ARHGAP42: variants seen among roughly 807,000 people sequenced by gnomAD.
The protein encoded by ARHGAP42 is rho GTPase-activating protein 42.
A neutral mutation model predicts 125.0 loss-of-function variants in ARHGAP42; 63 were observed. That is an observed-to-expected ratio of 0.50 (90% CI 0.41 to 0.62). The LOEUF (loss-of-function observed/expected upper bound fraction) is 0.62. Ranked by LOEUF, ARHGAP42 falls within the 20% of genes least tolerant of loss-of-function variation. The pLI is 0.00. For synonymous variants in ARHGAP42, 339 were observed against 351.0 expected (o/e 0.97, Z 0.38); for missense variants, 766 against 1,024.2 (o/e 0.75, Z 3.44).
chr11:100,936,377 C>T (rs772742316), intron 8 of ARHGAP42, 45 bp downstream of exon 8: 17 of 1,548,998 alleles, frequency 1.1e-5, no homozygotes, highest in Non-Finnish European at 1.4e-5. Flanking sequence ...GACTTAGCCA[C>T]GATCATGAGA....
chr11:100,725,218 C>G (rs1489450563), intron 1 of ARHGAP42, among the ~76,000 whole-genome samples: 2 of 151,372 alleles, frequency 1.3e-5, no homozygotes, highest in African/African-American at 2.4e-5. Context: ...GTAGCCAGGC[C>G]GGAATGCAGC....
chr11:100,834,869 T>C (rs372685808), intron 3 of ARHGAP42, among the ~76,000 whole-genome samples: 1 of 151,374 alleles, frequency 6.6e-6, no homozygotes, highest in Non-Finnish European at 1.5e-5. Flanking sequence ...TTTGTTTTTT[T>C]AATGTTGGAT....
At chr11:100,943,983 T>A in intron 10 of ARHGAP42, 115 bp downstream of exon 10, 1 of 651,056 alleles carries the variant, frequency 1.5e-6, no homozygotes, top group Non-Finnish European at 2.5e-6. Context: ...TAAAAAACAG[T>A]ATACATGTTT....
intron 3 of ARHGAP42, among the ~76,000 whole-genome samples, chr11:100,844,591 C>G (rs978563908): frequency 6.7e-6 from 1 of 150,232 alleles, no homozygotes; most frequent in Admixed American, 6.6e-5. Flanking sequence ...TGAACTCAAA[C>G]AAATCAACAA....
At chr11:100,956,573 G>A (rs897142458) in intron 12 of ARHGAP42, among the ~76,000 whole-genome samples, 2 of 122,470 alleles carry the variant, frequency 1.6e-5, no homozygotes, top group Non-Finnish European at 3.4e-5. Flanking sequence ...ACATGACCAA[G>A]CCTGGCTTCA....
chr11:100,886,811 A>C lies in ARHGAP42; in HGVS notation c.385-26641A>C, dbSNP rs560135202. Among the ~76,000 whole-genome samples the C allele has an allele frequency of 2.0e-5, 3 of 152,326 alleles. No homozygotes were observed. The South Asian group carries it at 6.2e-4, about 32-fold the overall frequency. ...ATTTAACTTCTTTGAGAAGAAATCA[A>C]ATATAGTGGGAAGAACACTGAATTA... is the stretch of plus-strand genomic sequence containing the variant. On this transcript the variant is annotated intron_variant, in intron 4 of 23. Transcript: ENST00000298815.
chr11:100,990,577 T>G lies in ARHGAP42; in HGVS notation c.*1776T>G, dbSNP rs1292857243. Reference sequence around the variant, plus strand: ...GTAAACGTTTGATAAAAGAGTATCTTTTTCTTTTATCTCTTACTGTTGACC... The same window carrying G: ...GTAAACGTTTGATAAAAGAGTATCTGTTTCTTTTATCTCTTACTGTTGACC... On this transcript the variant is annotated 3_prime_UTR_variant, in exon 24 of 24. Coordinates refer to ENST00000298815, the MANE Select transcript of ARHGAP42 (RefSeq NM_152432.4). The G allele has an allele frequency of 1.3e-5, 2 of 152,350 alleles. No individual in the cohort carries two copies. The highest frequency in any genetic ancestry group is 2.9e-5 in the Non-Finnish European group (2 of 68,030). 9.4% of individuals were successfully genotyped at this position (152,350 alleles called of 1,614,324 possible). A position where few individuals can be genotyped will look rare whatever the true frequency, so the allele number is the denominator to read the frequency against.
chr11:100,732,233 A>C (rs1242248633), intron 1 of ARHGAP42, among the ~76,000 whole-genome samples: 3 of 152,168 alleles, frequency 2.0e-5, no homozygotes. Context: ...CTGGGATTAC[A>C]GGTGTGAGCC....
At chr11:100,900,867 C>T (rs1026472031) in intron 4 of ARHGAP42, among the ~76,000 whole-genome samples, 18 of 152,094 alleles carry the variant, frequency 1.2e-4, no homozygotes, top group Non-Finnish European at 2.9e-5. Context: ...TCGTTATTAC[C>T]GACCTTCTGA....
Position 100,976,221 on chromosome 11 carries a change from C to T in ARHGAP42, c.2020C>T (p.Gln674Ter), listed in dbSNP as rs1858386008. ...TGCAACCCCATCATCTTCCAATGGA[C>T]AGAAAAGCCTTGGTCTGTGGACAAC... is the stretch of plus-strand genomic sequence containing the variant. ...WIATPSSSNG[Q>*]KSLGLWTTSP... Residue 674 changes from glutamine to a stop codon, truncating the protein, a stop_gained, in exon 20 of 24, where the codon CAG becomes TAG. Coordinates refer to ENST00000298815, the MANE Select transcript of ARHGAP42 (RefSeq NM_152432.4). LOFTEE classifies it high-confidence loss of function. 6.4e-7 allele frequency: 1 copy of T among 1,551,536 alleles called. No individual in the cohort carries two copies. The highest frequency in any genetic ancestry group is 1.4e-5 in the African/African-American group (1 of 73,024).
chr11:100,987,661 T>C, intron 23 of ARHGAP42, 69 bp downstream of exon 23: 1 of 1,422,810 alleles, frequency 7.0e-7, no homozygotes, highest in Admixed American at 2.0e-5. Context: ...TATGGTGGTA[T>C]GAGTCTAAAG....
At chr11:100,802,300 G>C (rs1042620834) in intron 3 of ARHGAP42, among the ~76,000 whole-genome samples, 7 of 152,084 alleles carry the variant, frequency 4.6e-5, no homozygotes, top group African/African-American at 1.7e-4. Context: ...AGAGATCTAG[G>C]TAACCTCTTC....
intron 6 of ARHGAP42, among the ~76,000 whole-genome samples, chr11:100,931,878 A>G (rs2135258923): frequency 6.6e-6 from 1 of 152,308 alleles, no homozygotes; most frequent in Middle Eastern, 3.4e-3. Flanking sequence ...ATATAGCATC[A>G]TTTTAAGATA....
intron 9 of ARHGAP42, among the ~76,000 whole-genome samples, chr11:100,943,367 T>C (rs948768133): frequency 4.6e-5 from 7 of 151,974 alleles, no homozygotes; most frequent in Admixed American, 1.3e-4. Context: ...GGAGTTTTGA[T>C]TAAGAGCACC....
At chr11:100,912,699 A>G (rs911587140) in intron 4 of ARHGAP42, among the ~76,000 whole-genome samples, 2 of 152,248 alleles carry the variant, frequency 1.3e-5, no homozygotes, top group South Asian at 2.1e-4. Flanking sequence ...TTGCATTTCT[A>G]TGGAGGCATG....
intron 3 of ARHGAP42, among the ~76,000 whole-genome samples, chr11:100,837,520 G>T (rs187582045): frequency 2.6e-5 from 4 of 151,990 alleles, no homozygotes; most frequent in African/African-American, 2.4e-5. Context: ...ATGAGTGCAG[G>T]CATGCTCAAA....
chr11:100,860,449 T>A (rs1193177925), intron 4 of ARHGAP42, among the ~76,000 whole-genome samples: 1 of 152,094 alleles, frequency 6.6e-6, no homozygotes, highest in African/African-American at 2.4e-5. Flanking sequence ...TGATGAAACC[T>A]TCTGTGGTTC....
At chr11:100,809,381 G>C (rs764780823) in intron 3 of ARHGAP42, among the ~76,000 whole-genome samples, 2 of 152,126 alleles carry the variant, frequency 1.3e-5, no homozygotes, top group Non-Finnish European at 2.9e-5. Flanking sequence ...TGAATATAGA[G>C]CTATTTTCAG....
intron 3 of ARHGAP42, among the ~76,000 whole-genome samples, chr11:100,828,097 C>T (rs150701419): frequency 1.1e-3 from 172 of 152,260 alleles, no homozygotes; most frequent in African/African-American, 3.9e-3. Context: ...TCTTAACATT[C>T]CAGGGGTCCT....
Sources: allele counts gnomAD v4.1 joint callset (sites outside exome capture counted in the v4.1 genomes callset), GRCh38; gene constraint gnomAD v4.1.1; transcripts MANE v1.5; gene names NCBI Gene and HGNC (gene_info 2026-07-23, HGNC 2026-07-21).